Variants in ASTN1 observed in about 807,000 individuals in gnomAD.
ASTN1 encodes the protein astrotactin 1.
Under a neutral mutation model 140.7 loss-of-function variants are expected in ASTN1, and 41 were observed. The ratio of observed to expected loss-of-function variants is 0.29; its 90% CI spans 0.23 to 0.38. The LOEUF (loss-of-function observed/expected upper bound fraction) is 0.38, where lower values mean the gene tolerates loss of function less well. ASTN1 is among the 10% of genes least tolerant of loss of function. The pLI is 1.00. For missense variants in ASTN1, 1,479 were observed against 1,678.8 expected (o/e 0.88, Z 2.08); for synonymous variants, 640 against 652.2 (o/e 0.98, Z 0.29).
chr1:177,161,965 CT>C (rs763383916), intron 1 of ASTN1, among the ~76,000 whole-genome samples: 2 of 151,878 alleles, frequency 1.3e-5, no homozygotes, highest in African/African-American at 2.4e-5. Context: ...GGGCAAGAGA[CT>C]TTTTTTTAAC....
chr1:176,988,436 T>C (rs1435940322), intron 8 of ASTN1, among the ~76,000 whole-genome samples: 5 of 152,110 alleles, frequency 3.3e-5, no homozygotes, highest in Admixed American at 2.6e-4. Context: ...TGCAAATTAA[T>C]AGACATGAGG....
At chr1:177,087,765 A>G (rs1679550622) in intron 1 of ASTN1, among the ~76,000 whole-genome samples, 1 of 152,174 alleles carries the variant, frequency 6.6e-6, no homozygotes, top group African/African-American at 2.4e-5. Context: ...GGGGAGTGTT[A>G]ATCCCCACTT....
At chr1:176,876,323 G>A (rs1668559299) in intron 21 of ASTN1, among the ~76,000 whole-genome samples, 1 of 152,126 alleles carries the variant, frequency 6.6e-6, no homozygotes, top group South Asian at 2.1e-4. Flanking sequence ...CTGACTTAAT[G>A]ACTGTGTGGA....
At chr1:176,905,668 G>A (rs1489473290) in intron 16 of ASTN1, among the ~76,000 whole-genome samples, 1 of 152,070 alleles carries the variant, frequency 6.6e-6, no homozygotes, top group Non-Finnish European at 1.5e-5. Flanking sequence ...TCTTGGTGGC[G>A]ATTTGGGATT....
intron 1 of ASTN1, among the ~76,000 whole-genome samples, chr1:177,105,491 C>T (rs959570960): frequency 2.0e-5 from 3 of 152,012 alleles, no homozygotes; most frequent in Admixed American, 6.5e-5. Context: ...TATTCCTCTC[C>T]AGATAGATGC....
chr1:177,000,148 T>C (rs1053631138), intron 8 of ASTN1, among the ~76,000 whole-genome samples: 2 of 152,198 alleles, frequency 1.3e-5, no homozygotes, highest in African/African-American at 4.8e-5. Context: ...AAGAAGACAA[T>C]TGACTTCAGT....
In ASTN1 at chr1:176,864,233, T is replaced by A. The variant is rs1328182294; in HGVS notation, c.*51A>T. 6.3e-7 allele frequency: 1 copy of A among 1,595,172 alleles called. No homozygotes were observed. The highest frequency in any genetic ancestry group is 8.5e-7 in the Non-Finnish European group (1 of 1,170,630). The stretch of plus-strand genomic sequence containing the variant: ...AAATCCACAGACCAACCCAGATGGA[T>A]CCCTCCTCTTTCCTACTTCATTCTG... On this transcript the variant is annotated 3_prime_UTR_variant, in exon 23 of 23. Transcript: ENST00000361833.
chr1:177,060,907 T>G (rs1204575393), intron 2 of ASTN1, among the ~76,000 whole-genome samples, 171 bp downstream of exon 2: 3 of 152,200 alleles, frequency 2.0e-5, no homozygotes, highest in African/African-American at 7.2e-5. Context: ...TTGCAATTAT[T>G]ACTTACATCA....
intron 8 of ASTN1, among the ~76,000 whole-genome samples, chr1:177,008,279 T>C (rs1675094374): frequency 6.6e-6 from 1 of 152,126 alleles, no homozygotes; most frequent in Admixed American, 6.5e-5. Flanking sequence ...TTAGGTTTAA[T>C]TCCAAGAGCC....
rs560202245 is a variant in ASTN1 at position 177,108,110 on chromosome 1, G to A, written c.284-46845C>T. ...CACACCTGTAATCTCAGCACTTTGG[G>A]AAGCTGAGGTGGGCAGATCACAAGG... On this transcript the variant is annotated intron_variant, in intron 1 of 22. Transcript: ENST00000361833. Among the ~76,000 whole-genome samples the A allele has an allele frequency of 3.3e-5, 5 of 152,184 alleles. No homozygotes were observed. In the South Asian group the frequency reaches 1.0e-3, roughly 32 times the overall value.
At chr1:177,002,246 C>G (rs1674762992) in intron 8 of ASTN1, among the ~76,000 whole-genome samples, 1 of 152,044 alleles carries the variant, frequency 6.6e-6, no homozygotes, top group African/African-American at 2.4e-5. Context: ...AAAAGTCACC[C>G]CAATTGTTGA....
At chr1:177,024,445 C>T (rs1413733563) in intron 6 of ASTN1, 138 bp downstream of exon 6, 1 of 1,111,106 alleles carries the variant, frequency 9.0e-7, no homozygotes, top group Non-Finnish European at 1.3e-6. Flanking sequence ...ATTGTATCCT[C>T]ATCCTTACTT....
At chr1:177,147,608 G>C (rs1211355249) in intron 1 of ASTN1, among the ~76,000 whole-genome samples, 1 of 152,138 alleles carries the variant, frequency 6.6e-6, no homozygotes, top group Non-Finnish European at 1.5e-5. Flanking sequence ...AAAAATGAAA[G>C]AGCCAATAAT....
intron 16 of ASTN1, among the ~76,000 whole-genome samples, chr1:176,922,159 A>G (rs1670753531): frequency 6.6e-6 from 1 of 152,184 alleles, no homozygotes; most frequent in Non-Finnish European, 1.5e-5. Context: ...GACAATAAAC[A>G]AGCCTAACAA....
At chr1:177,133,570 T>C (rs1355129721) in intron 1 of ASTN1, among the ~76,000 whole-genome samples, 1 of 152,124 alleles carries the variant, frequency 6.6e-6, no homozygotes. Context: ...TGGGGTTATA[T>C]CTTGTCATTA....
Position 176,864,025 on chromosome 1 carries a change from A to C in ASTN1, c.*259T>G. On this transcript the variant is annotated 3_prime_UTR_variant, in exon 23 of 23. Coordinates refer to ENST00000361833, the MANE Select transcript of ASTN1 (RefSeq NM_004319.3). ...AAATGAATGGAACAAATTAATGGCA[A>C]AGCAAACCCCAAAGTAATCCTCTAA... 1 of 1,265,582 alleles carries C rather than the reference A, an allele frequency of 7.9e-7. No individual in the cohort carries two copies. The allele number at this position is 1,265,582 out of a possible 1,614,324, so 78.4% of individuals were successfully genotyped here.
rs1676318241 is a variant in ASTN1, at chr1:177,029,635, T to C, written c.1119A>G (p.Arg373=). ...TTCTGCCACCTCTATCATTCCTACC[T>C]CTACTACGCCTCCTGCTCCTTGAAG... The part of the protein sequence containing the change: ...TDPSRSRRRS[R]VGSPRSPVNK... Residue 373 remains arginine, a splice_region_variant and synonymous_variant, in exon 5 of 23, where the codon AGA becomes AGG. Coordinates refer to ENST00000361833, the MANE Select transcript of ASTN1 (RefSeq NM_004319.3). The C allele has an allele frequency of 6.2e-7, 1 of 1,613,330 alleles. No homozygotes were observed.
intron 16 of ASTN1, among the ~76,000 whole-genome samples, chr1:176,928,715 T>G (rs1671077705): frequency 1.3e-5 from 2 of 152,204 alleles, no homozygotes; most frequent in Admixed American, 6.5e-5. Flanking sequence ...GGACCCATGT[T>G]GGGGCCTGAC....
At chr1:176,882,708 A>G (rs1668856559) in intron 20 of ASTN1, 151 bp downstream of exon 20, 1 of 1,107,604 alleles carries the variant, frequency 9.0e-7, no homozygotes, top group East Asian at 2.5e-5. Flanking sequence ...AGTACTCGAG[A>G]ACATTCTCTA....
Sources: allele counts gnomAD v4.1 joint callset (sites outside exome capture counted in the v4.1 genomes callset), GRCh38; gene constraint gnomAD v4.1.1; transcripts MANE v1.5; gene names NCBI Gene and HGNC (gene_info 2026-07-23, HGNC 2026-07-21).